Variants in RYR1 observed in about 807,000 individuals in gnomAD.
RYR1 encodes central core disease of muscle.
Under a neutral mutation model 583.5 loss-of-function variants are expected in RYR1, and 342 were observed. The observed-to-expected ratio is 0.59, with a 90% confidence interval of 0.54 to 0.64. The LOEUF is 0.64. Among genes scored for constraint, RYR1 ranks in the 30% least tolerant of loss-of-function variants. The pLI, the probability that RYR1 is intolerant of heterozygous loss-of-function variation, is 0.00. For missense variants in RYR1, 6,032 were observed against 6,917.2 expected, an observed-to-expected ratio of 0.87 and a Z score of 4.54; for synonymous variants, 2,791 against 2,822.5, an observed-to-expected ratio of 0.99 and a Z score of 0.35.
Position 38,496,159 on chromosome 19 carries a change from A to G in RYR1, c.6549-56A>G, listed in dbSNP as rs956644164. On this transcript the variant is annotated intron_variant, in intron 39 of 105. Transcript: ENST00000359596. The surrounding 1 kb of genome is among the most constrained non-coding windows in gnomAD (Gnocchi z 4.8). ...TGCCAACGCTGTCACAGTGGTGGCT[A>G]TGGCCCTCTCCGGACCTGGGCCCCT... 4 of 1,401,304 alleles carry G rather than the reference A, an allele frequency of 2.9e-6. No individual in the cohort carries two copies. In the East Asian group the frequency reaches 9.1e-5, roughly 32 times the overall value. 86.8% of individuals were successfully genotyped at this position (1,401,304 alleles called of 1,614,324 possible).
At chr19:38,467,526 A>AGG in intron 24 of RYR1, 84 bp from the exon 25 acceptor site, 1 of 1,443,954 alleles carries the variant, frequency 6.9e-7, no homozygotes, top group Non-Finnish European at 9.8e-7. Flanking sequence ...ACTGTCCCCC[A>AGG]AAGCCTGTCT....
Position 38,494,609 on chromosome 19 carries a change from A to C in RYR1, c.6532A>C (p.Met2178Leu). The C allele has an allele frequency of 7.4e-6, 12 of 1,614,086 alleles. No individual in the cohort carries two copies. The highest frequency in any genetic ancestry group is 2.2e-5 in the South Asian group (2 of 91,086). Residue 2178 changes from methionine (M) to leucine (L), a missense_variant, in exon 39 of 106, where the codon ATG (methionine) becomes CTG (leucine). This residue lies in a region of RYR1 where 2,627 missense variants were observed against 2,961.3 expected (regional missense o/e 0.89). Coordinates refer to ENST00000359596, the MANE Select transcript of RYR1 (RefSeq NM_000540.3). ...VQMGPQEENLMIQSIGNIMNN... is the reference protein window; with the variant it reads ...VQMGPQEENLLIQSIGNIMNN... Reference sequence around the variant, plus strand: ...GATGGGCCCCCAGGAGGAGAACCTCATGATCCAGAGCATCGGGTGAGACAC... The same window carrying C: ...GATGGGCCCCCAGGAGGAGAACCTCCTGATCCAGAGCATCGGGTGAGACAC...
In RYR1 at chr19:38,523,206, T is replaced by TC; in HGVS notation, c.10348-6dup. The stretch of plus-strand genomic sequence containing the variant: ...CACCTGTCCGGTCTGCAACACTGCT[T>TC]CCCCCACCAGAACTTCAAGCGCGAG... On this transcript the variant is annotated splice_polypyrimidine_tract_variant and intron_variant, in intron 68 of 105. Coordinates refer to ENST00000359596, the MANE Select transcript of RYR1 (RefSeq NM_000540.3). 1 of 1,614,114 alleles carries TC rather than the reference T, an allele frequency of 6.2e-7. No homozygotes were observed. The highest frequency in any genetic ancestry group is 8.5e-7 in the Non-Finnish European group (1 of 1,180,012).
At chr19:38,556,883 C>T (rs918944666) in intron 89 of RYR1, among the ~76,000 whole-genome samples, 1 of 152,064 alleles carries the variant, frequency 6.6e-6, no homozygotes, top group Non-Finnish European at 1.5e-5. Flanking sequence ...AAAGTTCGAG[C>T]AGATTCAGAT....
rs547341665 is a variant in RYR1, at chr19:38,548,437, G to C, written c.12282+17G>C. On this transcript the variant is annotated intron_variant, in intron 89 of 105. Coordinates refer to ENST00000359596, the MANE Select transcript of RYR1 (RefSeq NM_000540.3). ...TTCCAGAAGGTGGGTGTGGGACATC[G>C]TGTGGGCCCAGGACTTGGGTGGGGT... The C allele has an allele frequency of 1.2e-6, 2 of 1,611,146 alleles. No individual in the cohort carries two copies. The highest frequency in any genetic ancestry group is 1.7e-6 in the Non-Finnish European group (2 of 1,177,566).
At chr19:38,476,518 A>G (rs1360696993) in intron 29 of RYR1, among the ~76,000 whole-genome samples, 1 of 152,070 alleles carries the variant, frequency 6.6e-6, no homozygotes, top group Non-Finnish European at 1.5e-5. Context: ...TTTTTGGTAG[A>G]AACGGGGTTT....
chr19:38,580,615 G>A (rs191456087), intron 101 of RYR1, 111 bp downstream of exon 101: 70 of 1,373,134 alleles, frequency 5.1e-5, no homozygotes, highest in Non-Finnish European at 5.7e-5. Flanking sequence ...ATCCCAGTGC[G>A]TCGGGAGGCC....
At chr19:38,520,392 A>G (rs1013772804) in intron 67 of RYR1, among the ~76,000 whole-genome samples, 18 of 149,926 alleles carry the variant, frequency 1.2e-4, no homozygotes, top group Admixed American at 1.0e-3. Flanking sequence ...TAACACAACA[A>G]TACACCATGA....
rs1568505885 is a variant in RYR1 at position 38,502,740 on chromosome 19, A to C, written c.7835+13A>C. On this transcript the variant is annotated intron_variant, in intron 48 of 105. Coordinates refer to ENST00000359596, the MANE Select transcript of RYR1 (RefSeq NM_000540.3). ...TGTCGCTCTGCAGGTGGAGCGGGGC[A>C]GGCTTCAGGGTGGGGCAGGGGCAGG... The C allele has an allele frequency of 4.2e-6, 5 of 1,188,558 alleles. No homozygotes were observed. The highest frequency in any genetic ancestry group is 2.2e-5 in the Admixed American group (1 of 45,580). The allele number at this position is 1,188,558 out of a possible 1,614,324, so 73.6% of individuals were successfully genotyped here.
chr19:38,482,097 T>G (rs1969039634), intron 31 of RYR1, among the ~76,000 whole-genome samples: 1 of 151,790 alleles, frequency 6.6e-6, no homozygotes, highest in African/African-American at 2.4e-5. Flanking sequence ...CTCAAAAAAA[T>G]AAATAAACAA....
intron 18 of RYR1, among the ~76,000 whole-genome samples, chr19:38,458,681 G>A (rs1967561341): frequency 6.6e-6 from 1 of 152,128 alleles, no homozygotes; most frequent in Non-Finnish European, 1.5e-5. Context: ...CTGGAGTGCA[G>A]TAGCATGATC....
chr19:38,496,936 G>A lies in RYR1; in HGVS notation c.6873G>A (p.Gln2291=). ...ACAATGAGCTGGCCTTGGCATTGCAGGAGCAGGACCTGGAAAAGGTGTGGA... is the reference window on the plus strand; with the variant it reads ...ACAATGAGCTGGCCTTGGCATTGCAAGAGCAGGACCTGGAAAAGGTGTGGA... ...IDNNELALAL[Q]EQDLEKVVSY... Residue 2291 remains glutamine, a synonymous_variant, in exon 42 of 106, where the codon CAG becomes CAA. Transcript: ENST00000359596. This position sits in a 1 kb window ranked among gnomAD's most constrained non-coding sequence, Gnocchi z 4.8. 1 of 1,613,616 alleles carries A rather than the reference G, an allele frequency of 6.2e-7. No individual in the cohort carries two copies. The highest frequency in any genetic ancestry group is 1.1e-5 in the South Asian group (1 of 91,064).
At chr19:38,525,237 C>A in intron 70 of RYR1, 95 bp from the exon 71 acceptor site, 1 of 1,488,548 alleles carries the variant, frequency 6.7e-7, no homozygotes, top group Non-Finnish European at 9.3e-7. Flanking sequence ...TGCCTGGTGT[C>A]CAGACTGGGG....
Position 38,572,060 on chromosome 19 carries a change from A to C in RYR1, c.13788A>C (p.Ser4596=). 1 of 1,614,130 alleles carries C rather than the reference A, an allele frequency of 6.2e-7. No individual in the cohort carries two copies. The highest frequency in any genetic ancestry group is 2.2e-5 in the East Asian group (1 of 44,884). ...CAGGGGAGGACGACATGGAAGGCTC[A>C]GCTGCTGGGGATGTGTCAGGTGCAG... ...SPPGEDDMEG[S]AAGDVSGAGS... The change falls in exon 95 of 106, where the codon TCA becomes TCC. Residue 4596 remains serine, a synonymous_variant. Transcript: ENST00000359596.
intron 42 of RYR1, among the ~76,000 whole-genome samples, chr19:38,497,487 CCT>C (rs1969901263): frequency 6.6e-6 from 1 of 152,188 alleles, no homozygotes; most frequent in African/African-American, 2.4e-5. Flanking sequence ...TCTCCAGACC[CCT>C]GTTGTCTCAT....
At position 38,523,317 on chromosome 19, in the gene RYR1, C is replaced by T. The variant is rs756485663; in HGVS notation, c.10440+8C>T. On this transcript the variant is annotated splice_region_variant and intron_variant, in intron 69 of 105. Transcript: ENST00000359596. ...AAAAGCAAAATGGCTAAGGTCGGGG[C>T]TTGGTTCTGGGAGGAGCACTTGGCA... is the stretch of plus-strand genomic sequence containing the variant. 2.5e-6 allele frequency: 4 copies of T among 1,614,154 alleles called. No homozygotes were observed. The highest frequency in any genetic ancestry group is 3.4e-6 in the Non-Finnish European group (4 of 1,180,026).
At chr19:38,448,618 G>C in intron 10 of RYR1, 31 bp from the exon 11 acceptor site, 2 of 1,614,218 alleles carry the variant, frequency 1.2e-6, no homozygotes, top group Non-Finnish European at 1.7e-6. Context: ...CACAGGCAGA[G>C]GAGGCTGACC....
At position 38,463,859 on chromosome 19, in the gene RYR1, C is replaced by A; in HGVS notation, c.2786+9C>A. The A allele has an allele frequency of 6.2e-7, 1 of 1,610,680 alleles. No homozygotes were observed. The highest frequency in any genetic ancestry group is 8.5e-7 in the Non-Finnish European group (1 of 1,177,322). On this transcript the variant is annotated intron_variant, in intron 22 of 105. Coordinates refer to ENST00000359596, the MANE Select transcript of RYR1 (RefSeq NM_000540.3). ...TCTGGGGAGACGCTCAAGTGAGGGC[C>A]CAGGGGAGCCGGGGGTTGGGGCTGG...
In RYR1 at chr19:38,512,304, G is replaced by A. The variant is rs749716677; in HGVS notation, c.9293G>A (p.Ser3098Asn). 1.2e-6 allele frequency: 2 copies of A among 1,614,246 alleles called. No individual in the cohort carries two copies. Among genetic ancestry groups the A allele is most frequent in the Non-Finnish European group, 1.7e-6 (2 of 1,180,056 alleles). ...VKAGLRSFFE[S>N]ASEDIEKMVE... ...GCTGGCCTCCGCTCCTTCTTCGAGA[G>A]TGCCTCGGAGGACATCGAGAAGATG... Residue 3098 changes from serine to asparagine, a missense_variant, in exon 63 of 106, where the codon AGT (serine) becomes AAT (asparagine). Coordinates refer to ENST00000359596, the MANE Select transcript of RYR1 (RefSeq NM_000540.3). This position sits in a 1 kb window ranked among gnomAD's most constrained non-coding sequence, Gnocchi z 5.1.
Sources: gnomAD v4.1 joint callset for allele counts (sites outside exome capture counted in the v4.1 genomes callset) on GRCh38, gnomAD v4.1.1 for gene constraint, gnomAD v4.1.1 regional missense constraint, Gnocchi (gnomAD v3.1) non-coding constraint, MANE v1.5 for transcripts, NCBI Gene and HGNC (gene_info 2026-07-23, HGNC 2026-07-21) for gene names.